TRAK1: variants seen among roughly 807,000 people sequenced by gnomAD.
The protein encoded by TRAK1 is trafficking kinesin-binding protein 1.
Under a neutral mutation model 92.1 loss-of-function variants are expected in TRAK1, and 33 were observed. The ratio of observed to expected loss-of-function variants is 0.36; its 90% CI spans 0.27 to 0.48. The LOEUF (loss-of-function observed/expected upper bound fraction) is 0.48. Among genes scored for constraint, TRAK1 ranks in the 20% least tolerant of loss-of-function variants. The pLI, the probability that TRAK1 is intolerant of heterozygous loss-of-function variation, is 0.99. For synonymous variants in TRAK1, 521 were observed against 517.3 expected, an observed-to-expected ratio of 1.01 and a Z score of -0.10; for missense variants, 1,123 against 1,257.9, an observed-to-expected ratio of 0.89 and a Z score of 1.62.
At chr3:42,120,951 T>G (rs1333732739) in intron 1 of TRAK1, among the ~76,000 whole-genome samples, 2 of 152,216 alleles carry the variant, frequency 1.3e-5, no homozygotes, top group Non-Finnish European at 1.5e-5. Flanking sequence ...TCCACCTGTT[T>G]AGAACAAAAA....
intron 14 of TRAK1, 35 bp downstream of exon 14, chr3:42,210,020 C>T: frequency 3.7e-6 from 6 of 1,614,126 alleles, no homozygotes; most frequent in Non-Finnish European, 5.1e-6. Flanking sequence ...CTGTCTCAGG[C>T]AGCAGAAGTT....
chr3:42,054,904 ATTT>A (rs1157067369), intron 1 of TRAK1, among the ~76,000 whole-genome samples: 3 of 37,098 alleles, frequency 8.1e-5, no homozygotes, highest in African/African-American at 1.8e-4. Flanking sequence ...AGCAAACTAG[ATTT>A]TTTTTTTTTT....
At chr3:42,018,211 TGA>T (rs563103641) in intron 1 of TRAK1, among the ~76,000 whole-genome samples, 42 of 151,374 alleles carry the variant, frequency 2.8e-4, no homozygotes, top group Non-Finnish European at 5.2e-4. Context: ...GAGGCTGCAG[TGA>T]GCCATTATTG....
chr3:42,120,574 C>G (rs961996790), intron 1 of TRAK1, among the ~76,000 whole-genome samples: 1 of 151,898 alleles, frequency 6.6e-6, no homozygotes, highest in East Asian at 1.9e-4. Context: ...GATGGAGTCT[C>G]GCTCTGTCAC....
At chr3:42,017,106 A>C (rs944210625) in intron 1 of TRAK1, among the ~76,000 whole-genome samples, 4 of 152,250 alleles carry the variant, frequency 2.6e-5, no homozygotes, top group Middle Eastern at 3.4e-3. Context: ...CTAAAACACA[A>C]AAAAAGTAGC....
rs1228705853 is a variant in TRAK1, at chr3:42,125,341, G to A, written c.92-79G>A. 18 of 1,328,546 alleles carry A rather than the reference G, an allele frequency of 1.4e-5. No individual in the cohort carries two copies. In the Admixed American group the frequency reaches 1.6e-4, roughly 12 times the overall value. 82.3% of individuals were successfully genotyped at this position (1,328,546 alleles called of 1,614,324 possible). On this transcript the variant is annotated intron_variant, in intron 1 of 15. Coordinates refer to ENST00000327628, the MANE Select transcript of TRAK1 (RefSeq NM_001042646.3). ...AGATAAATAACCGAAGATACCTGCC[G>A]CAGGCTACAAGTTTAGTTAACTAGC...
chr3:42,191,177 G>T (rs759254230), intron 6 of TRAK1, among the ~76,000 whole-genome samples: 27 of 152,130 alleles, frequency 1.8e-4, no homozygotes, highest in Non-Finnish European at 2.9e-4. Flanking sequence ...CCTGCTGTGG[G>T]TAGTGTCCTA....
chr3:42,118,055 T>C (rs1709393335), intron 1 of TRAK1, among the ~76,000 whole-genome samples: 1 of 152,020 alleles, frequency 6.6e-6, no homozygotes. Flanking sequence ...CCTGACCTTG[T>C]GATCCGCCCA....
At chr3:42,033,232 G>A (rs1221670803) in intron 1 of TRAK1, among the ~76,000 whole-genome samples, 2 of 152,108 alleles carry the variant, frequency 1.3e-5, no homozygotes, top group African/African-American at 2.4e-5. Flanking sequence ...TGTGTGAGGC[G>A]CAATTAGAGA....
intron 1 of TRAK1, among the ~76,000 whole-genome samples, chr3:42,111,785 A>C (rs1032047394): frequency 1.3e-5 from 2 of 152,152 alleles, no homozygotes; most frequent in Non-Finnish European, 2.9e-5. Context: ...CACGAAGATC[A>C]TTCTGTTTTG....
chr3:42,070,945 C>T (rs1349127340), intron 1 of TRAK1, among the ~76,000 whole-genome samples: 3 of 152,146 alleles, frequency 2.0e-5, no homozygotes, highest in Non-Finnish European at 4.4e-5. Flanking sequence ...CCAGCTTCAC[C>T]TGTTGGTTCT....
intron 1 of TRAK1, among the ~76,000 whole-genome samples, chr3:42,116,956 A>C (rs1209767739): frequency 6.6e-6 from 1 of 152,168 alleles, no homozygotes; most frequent in Non-Finnish European, 1.5e-5. Context: ...TGGAAGTCCC[A>C]GTGTGCAGAC....
At chr3:42,155,898 A>T (rs1318207956) in intron 2 of TRAK1, among the ~76,000 whole-genome samples, 2 of 152,170 alleles carry the variant, frequency 1.3e-5, no homozygotes, top group African/African-American at 4.8e-5. Context: ...GAGTATGTCA[A>T]GTAGATGTGA....
intron 2 of TRAK1, among the ~76,000 whole-genome samples, chr3:42,155,800 C>T (rs1246486142): frequency 1.3e-5 from 2 of 152,182 alleles, no homozygotes; most frequent in African/African-American, 4.8e-5. Context: ...AATTTTAATC[C>T]ATTTAAATGT....
intron 2 of TRAK1, among the ~76,000 whole-genome samples, chr3:42,175,527 G>A (rs894380269): frequency 3.3e-5 from 5 of 152,174 alleles, no homozygotes; most frequent in African/African-American, 1.2e-4. Flanking sequence ...AGTGTTGGGT[G>A]GAGGGGTCTT....
intron 15 of TRAK1, among the ~76,000 whole-genome samples, chr3:42,221,376 G>A (rs567344916): frequency 2.6e-5 from 4 of 152,080 alleles, no homozygotes; most frequent in Non-Finnish European, 5.9e-5. Flanking sequence ...TGTGAGATGG[G>A]CCTGTTCTGG....
At chr3:42,016,631 A>G (rs1201311816) in intron 1 of TRAK1, among the ~76,000 whole-genome samples, 1 of 152,226 alleles carries the variant, frequency 6.6e-6, no homozygotes, top group Non-Finnish European at 1.5e-5. Context: ...GGTAGAGAAC[A>G]GACCTTGGGC....
intron 2 of TRAK1, among the ~76,000 whole-genome samples, chr3:42,168,973 G>A (rs1702202496): frequency 6.6e-6 from 1 of 152,068 alleles, no homozygotes; most frequent in African/African-American, 2.4e-5. Flanking sequence ...AAAGGCATGT[G>A]CCACCATGCC....
chr3:42,197,258 C>T (rs1430990107), intron 10 of TRAK1, among the ~76,000 whole-genome samples: 8 of 151,888 alleles, frequency 5.3e-5, no homozygotes, highest in African/African-American at 1.9e-4. Context: ...TCCAGGACCC[C>T]CTGCAGATAC....
Sources: allele counts gnomAD v4.1 joint callset (sites outside exome capture counted in the v4.1 genomes callset), GRCh38; gene constraint gnomAD v4.1.1; transcripts MANE v1.5; gene names NCBI Gene and HGNC (gene_info 2026-07-23, HGNC 2026-07-21).